BMP6: variants seen among roughly 807,000 people sequenced by gnomAD.
BMP6 encodes VG-1-R.
Under a neutral mutation model 54.1 loss-of-function variants are expected in BMP6, and 17 were observed. The ratio of observed to expected loss-of-function variants is 0.31; its 90% CI spans 0.22 to 0.47. The LOEUF (loss-of-function observed/expected upper bound fraction) is 0.47. BMP6 is among the 20% of genes least tolerant of loss of function. The pLI, the probability that BMP6 is intolerant of heterozygous loss-of-function variation, is 1.00. For synonymous variants in BMP6, 328 were observed against 291.2 expected (o/e 1.13, Z -1.28); for missense variants, 720 against 690.4 (o/e 1.04, Z -0.48).
chr6:7,819,092 C>G (rs1347643192), intron 1 of BMP6, among the ~76,000 whole-genome samples: 1 of 152,160 alleles, frequency 6.6e-6, no homozygotes, highest in Non-Finnish European at 1.5e-5. Flanking sequence ...GATTTAGGCA[C>G]ACAGACAGGC....
At chr6:7,833,751 T>C (rs914190475) in intron 1 of BMP6, among the ~76,000 whole-genome samples, 2 of 152,238 alleles carry the variant, frequency 1.3e-5, no homozygotes, top group Non-Finnish European at 2.9e-5. Flanking sequence ...GAAAATGCTT[T>C]GTAAACTCTT....
intron 5 of BMP6, among the ~76,000 whole-genome samples, chr6:7,879,430 C>G (rs910395139): frequency 5.3e-5 from 8 of 152,230 alleles, no homozygotes; most frequent in Non-Finnish European, 1.2e-4. Context: ...TCACCTCATC[C>G]TTTCAAAGCC....
chr6:7,753,552 C>T (rs550090165), intron 1 of BMP6, among the ~76,000 whole-genome samples: 27 of 152,300 alleles, frequency 1.8e-4, no homozygotes, highest in African/African-American at 6.0e-4. Context: ...CCCAGCAGGG[C>T]CATCTTTGTT....
chr6:7,834,644 C>T (rs1758845809), intron 1 of BMP6, among the ~76,000 whole-genome samples: 1 of 151,580 alleles, frequency 6.6e-6, no homozygotes. Flanking sequence ...AGTTCGAGAC[C>T]AGCCTGGGCA....
At chr6:7,785,047 T>G (rs1758001612) in intron 1 of BMP6, among the ~76,000 whole-genome samples, 1 of 152,094 alleles carries the variant, frequency 6.6e-6, no homozygotes, top group African/African-American at 2.4e-5. Context: ...TTAGATGAAT[T>G]CTGATCTCCC....
At chr6:7,797,429 A>G (rs1336976412) in intron 1 of BMP6, among the ~76,000 whole-genome samples, 3 of 152,214 alleles carry the variant, frequency 2.0e-5, no homozygotes, top group African/African-American at 7.2e-5. Flanking sequence ...TTTAATCCTA[A>G]TAAGCACCTA....
intron 2 of BMP6, among the ~76,000 whole-genome samples, chr6:7,855,051 AT>A (rs1427753213): frequency 6.6e-6 from 1 of 152,200 alleles, no homozygotes; most frequent in Non-Finnish European, 1.5e-5. Context: ...AGTTCTGTTT[AT>A]TAGCCTAATT....
chr6:7,783,287 C>T (rs1757974359), intron 1 of BMP6, among the ~76,000 whole-genome samples: 1 of 152,214 alleles, frequency 6.6e-6, no homozygotes, highest in Non-Finnish European at 1.5e-5. Flanking sequence ...TAAAGTGGAA[C>T]TATCTTCTCC....
In BMP6 at chr6:7,774,608, G is replaced by A. The variant is rs887862242; in HGVS notation, c.664+46989G>A. 7.9e-5 allele frequency among the ~76,000 whole-genome samples: 12 copies of A among 152,056 alleles called. No homozygotes were observed. The South Asian group carries it at 8.3e-4, about 11-fold the overall frequency. The stretch of plus-strand genomic sequence containing the variant: ...GCACATTCCTTAGTCCTAGCTACTC[G>A]AGAGGTTGAAGCCCCACTTGAAGCC... On this transcript the variant is annotated intron_variant, in intron 1 of 6. Transcript: ENST00000283147.
rs900799445 is a variant in BMP6, at chr6:7,849,003, C to T, written c.857+3671C>T. Among the ~76,000 whole-genome samples, 12 of 152,280 alleles carry T rather than the reference C, an allele frequency of 7.9e-5. No individual in the cohort carries two copies. In the South Asian group the frequency reaches 8.3e-4, roughly 11 times the overall value. On this transcript the variant is annotated intron_variant, in intron 2 of 6. Coordinates refer to ENST00000283147, the MANE Select transcript of BMP6 (RefSeq NM_001718.6). ...TTGAGAGAACAAAGTATGGCACATA[C>T]GAATTTTGCCAAGACCAAATAATTC...
intron 2 of BMP6, among the ~76,000 whole-genome samples, chr6:7,850,897 A>C (rs1759131850): frequency 6.6e-6 from 1 of 152,176 alleles, no homozygotes. Context: ...TCTTTTTCTC[A>C]TGTGCTTTAG....
chr6:7,742,428 A>C (rs986436214), intron 1 of BMP6, among the ~76,000 whole-genome samples: 1 of 152,206 alleles, frequency 6.6e-6, no homozygotes, highest in African/African-American at 2.4e-5. Context: ...CTTCCACTTC[A>C]GGCTGGTAGG....
intron 1 of BMP6, among the ~76,000 whole-genome samples, chr6:7,813,597 C>T (rs1308900549): frequency 2.4e-5 from 3 of 123,632 alleles, no homozygotes; most frequent in Non-Finnish European, 4.7e-5. Flanking sequence ...GAGCTGTGAT[C>T]ACACCACTGC....
intron 1 of BMP6, among the ~76,000 whole-genome samples, chr6:7,799,389 G>A (rs1758236880): frequency 6.6e-6 from 1 of 152,110 alleles, no homozygotes; most frequent in African/African-American, 2.4e-5. Flanking sequence ...CTAGTCACTT[G>A]GATTAATTCA....
At chr6:7,840,480 T>A (rs1758951494) in intron 1 of BMP6, among the ~76,000 whole-genome samples, 1 of 152,190 alleles carries the variant, frequency 6.6e-6, no homozygotes, top group South Asian at 2.1e-4. Flanking sequence ...ACATTTTAAA[T>A]CTTAAACCAG....
chr6:7,841,563 G>T (rs957747015), intron 1 of BMP6, among the ~76,000 whole-genome samples: 9 of 152,146 alleles, frequency 5.9e-5, no homozygotes, highest in African/African-American at 1.7e-4. Flanking sequence ...GCAAAAGAGT[G>T]GGGGGAACGG....
At chr6:7,825,252 C>G (rs1315292867) in intron 1 of BMP6, among the ~76,000 whole-genome samples, 2 of 152,174 alleles carry the variant, frequency 1.3e-5, no homozygotes, top group Non-Finnish European at 2.9e-5. Context: ...GTGCTCCAGT[C>G]TGCTCAACAG....
At chr6:7,748,246 G>A (rs548341101) in intron 1 of BMP6, among the ~76,000 whole-genome samples, 5 of 152,314 alleles carry the variant, frequency 3.3e-5, no homozygotes, top group African/African-American at 1.2e-4. Context: ...GGTTCTCAGG[G>A]TGGTTGGGAG....
At chr6:7,772,826 C>T (rs947495320) in intron 1 of BMP6, among the ~76,000 whole-genome samples, 1 of 152,200 alleles carries the variant, frequency 6.6e-6, no homozygotes, top group Non-Finnish European at 1.5e-5. Flanking sequence ...AGATTCCCCT[C>T]CCCTAGTTGG....
Sources: allele counts gnomAD v4.1 joint callset (sites outside exome capture counted in the v4.1 genomes callset), GRCh38; gene constraint gnomAD v4.1.1; transcripts MANE v1.5; gene names NCBI Gene and HGNC (gene_info 2026-07-23, HGNC 2026-07-21).